Variants in KCNIP4 observed in about 807,000 individuals in gnomAD.
The protein encoded by KCNIP4 is potassium voltage-gated channel interacting protein 4, also known as Kv channel-interacting protein 4.
A neutral mutation model predicts 34.0 loss-of-function variants in KCNIP4; 12 were observed. That is an observed-to-expected ratio of 0.35 (90% CI 0.23 to 0.57). The LOEUF is 0.57. KCNIP4 is among the 20% of genes least tolerant of loss of function. The pLI is 0.83. For synonymous variants in KCNIP4, 124 were observed against 102.2 expected (o/e 1.21, Z -1.29); for missense variants, 238 against 311.7 (o/e 0.76, Z 1.78).
intron 1 of KCNIP4, chr4:21,845,459 G>C (rs1004310520): frequency 6.6e-6 from 1 of 152,020 alleles, no homozygotes; most frequent in Non-Finnish European, 1.5e-5. Flanking sequence ...AAGAACAGGT[G>C]GTGGGCCAGA....
At chr4:21,802,646 G>A (rs1721068964) in intron 1 of KCNIP4, among the ~76,000 whole-genome samples, 1 of 152,110 alleles carries the variant, frequency 6.6e-6, no homozygotes, top group African/African-American at 2.4e-5. Context: ...TTTATCTTCA[G>A]CTTCTAGCAA....
In KCNIP4 at chr4:21,546,763, A is replaced by G. The variant is rs75525272; in HGVS notation, c.61+401808T>C. On this transcript the variant is annotated intron_variant, in intron 1 of 8. Transcript: ENST00000382152. ...GTTAACCATATCCATGCATACATTA[A>G]CATATCATTATAATGTGGGAAAACA... Among the ~76,000 whole-genome samples the G allele has an allele frequency of 1.4e-3, 210 of 152,184 alleles. 1 individual carries two copies. Among genetic ancestry groups the G allele is most frequent in the African/African-American group, 4.4e-3 (184 of 41,538 alleles).
At chr4:21,013,111 G>A (rs1476150902) in intron 1 of KCNIP4, among the ~76,000 whole-genome samples, 2 of 152,190 alleles carry the variant, frequency 1.3e-5, no homozygotes, top group East Asian at 3.9e-4. Context: ...GGTAAACTCA[G>A]CTATTTCTGG....
At position 21,757,198 on chromosome 4, in the gene KCNIP4, GGAAAGAAAGAAAGAAA is replaced by G. The variant is rs1184733064; in HGVS notation, c.61+191357_61+191372del. ...AGGAAGGAAGGAAGGAAGGAAGGAA[GGAAAGAAAGAAAGAAA>G]GAAAGAAAGAAAGAAAGAAAGAAAG... is the stretch of plus-strand genomic sequence containing the variant. On this transcript the variant is annotated intron_variant, in intron 1 of 8. Coordinates refer to ENST00000382152, the MANE Select transcript of KCNIP4 (RefSeq NM_025221.6). 2.6e-3 allele frequency among the ~76,000 whole-genome samples: 101 copies of G among 39,532 alleles called. 1 individual carries two copies. Among genetic ancestry groups the G allele is most frequent in the Admixed American group, 0.011 (42 of 3,814 alleles). The allele number at this position is 39,532 out of a possible 152,430, so 25.9% of individuals were successfully genotyped here.
At chr4:20,871,514 A>G (rs1025258259) in intron 2 of KCNIP4, among the ~76,000 whole-genome samples, 1 of 152,062 alleles carries the variant, frequency 6.6e-6, no homozygotes, top group Non-Finnish European at 1.5e-5. Context: ...CAGAGTAGGA[A>G]AGCCCAAAGC....
rs180818991 is a variant in KCNIP4, at chr4:20,806,538, T to C, written c.288+44005A>G. Among the ~76,000 whole-genome samples the C allele has an allele frequency of 2.4e-4, 36 of 152,118 alleles. No individual in the cohort carries two copies. The East Asian group carries it at 2.7e-3, about 11-fold the overall frequency. On this transcript the variant is annotated intron_variant, in intron 3 of 8. Coordinates refer to ENST00000382152, the MANE Select transcript of KCNIP4 (RefSeq NM_025221.6). ...TAATTTATTTTCCATTATATTATTA[T>C]ATAGATCCTGTTCTTCCTTGCTTCT...
At chr4:21,742,699 C>G (rs566314702) in intron 1 of KCNIP4, among the ~76,000 whole-genome samples, 1 of 152,088 alleles carries the variant, frequency 6.6e-6, no homozygotes, top group Non-Finnish European at 1.5e-5. Context: ...AGAAATACAA[C>G]AAGACTTAGT....
intron 1 of KCNIP4, among the ~76,000 whole-genome samples, chr4:21,331,346 C>G (rs962831209): frequency 4.6e-5 from 7 of 152,012 alleles, no homozygotes; most frequent in Admixed American, 1.3e-4. Context: ...CCCTTGTTCT[C>G]CCTCTCTCTC....
At chr4:21,827,603 G>A (rs1722748015) in intron 1 of KCNIP4, among the ~76,000 whole-genome samples, 1 of 152,000 alleles carries the variant, frequency 6.6e-6, no homozygotes, top group African/African-American at 2.4e-5. Context: ...AGATTCTTTT[G>A]TGAAAGGTGT....
intron 1 of KCNIP4, among the ~76,000 whole-genome samples, chr4:21,342,756 GA>G (rs1187031175): frequency 4.6e-5 from 7 of 152,020 alleles, no homozygotes; most frequent in Admixed American, 1.3e-4. Flanking sequence ...CTACAGGAAA[GA>G]AAAAAATCCT....
At chr4:21,721,771 T>C (rs1203138417) in intron 1 of KCNIP4, among the ~76,000 whole-genome samples, 1 of 152,238 alleles carries the variant, frequency 6.6e-6, no homozygotes, top group Non-Finnish European at 1.5e-5. Flanking sequence ...CAATAAAACA[T>C]GGTTGTAAAC....
chr4:21,564,875 A>G (rs1739726373), intron 1 of KCNIP4, among the ~76,000 whole-genome samples: 1 of 152,038 alleles, frequency 6.6e-6, no homozygotes, highest in Non-Finnish European at 1.5e-5. Context: ...TCTTAAGGGA[A>G]CTAGCAGAGG....
chr4:20,926,348 C>G (rs950135612), intron 1 of KCNIP4, among the ~76,000 whole-genome samples: 10 of 152,150 alleles, frequency 6.6e-5, no homozygotes, highest in Admixed American at 5.2e-4. Flanking sequence ...AACTTTTTAT[C>G]CCCTCCCCTT....
intron 1 of KCNIP4, among the ~76,000 whole-genome samples, chr4:21,886,265 G>A (rs1726758451): frequency 6.6e-6 from 1 of 152,038 alleles, no homozygotes; most frequent in Non-Finnish European, 1.5e-5. Context: ...CCAATTCATT[G>A]AGGGTGAAAT....
intron 1 of KCNIP4, among the ~76,000 whole-genome samples, chr4:21,609,220 A>G (rs1743963618): frequency 6.6e-6 from 1 of 152,212 alleles, no homozygotes; most frequent in South Asian, 2.1e-4. Flanking sequence ...ATAATGAGAA[A>G]AATAAATTTT....
chr4:21,444,851 T>A (rs188471680), intron 1 of KCNIP4, among the ~76,000 whole-genome samples: 1 of 152,308 alleles, frequency 6.6e-6, no homozygotes, highest in African/African-American at 2.4e-5. Flanking sequence ...TGTTTGCAGA[T>A]GACATGATTG....
At chr4:21,495,070 T>A (rs535007128) in intron 1 of KCNIP4, among the ~76,000 whole-genome samples, 105 of 152,218 alleles carry the variant, frequency 6.9e-4, no homozygotes, top group African/African-American at 2.5e-3. Context: ...AAAAGCATCA[T>A]GTGTTTGCTG....
At chr4:20,913,495 AC>A (rs1728529927) in intron 1 of KCNIP4, among the ~76,000 whole-genome samples, 1 of 152,130 alleles carries the variant, frequency 6.6e-6, no homozygotes, top group Non-Finnish European at 1.5e-5. Flanking sequence ...TATACTAAAA[AC>A]CACTGGATTG....
At chr4:21,407,425 A>C (rs1271411105) in intron 1 of KCNIP4, among the ~76,000 whole-genome samples, 3 of 152,134 alleles carry the variant, frequency 2.0e-5, no homozygotes, top group Non-Finnish European at 4.4e-5. Flanking sequence ...TTCCAAGGGA[A>C]CGTAAGTGCC....
Sources: allele counts gnomAD v4.1 joint callset (sites outside exome capture counted in the v4.1 genomes callset), GRCh38; gene constraint gnomAD v4.1.1; transcripts MANE v1.5; gene names NCBI Gene and HGNC (gene_info 2026-07-23, HGNC 2026-07-21).